PKIG: variants seen among roughly 807,000 people sequenced by gnomAD.
PKIG encodes protein kinase (cAMP-dependent, catalytic) inhibitor gamma.
In PKIG, 1 loss-of-function variant was observed where a neutral mutation model predicts 6.8. That is an observed-to-expected ratio of 0.15 (90% confidence interval 0.05 to 0.69). The LOEUF (loss-of-function observed/expected upper bound fraction) is 0.69, where lower values mean the gene tolerates loss of function less well. Ranked by LOEUF, PKIG falls within the 30% of genes least tolerant of loss-of-function variation. The probability of loss-of-function intolerance (pLI) is 0.82; values close to 1 mark genes in which losing one functional copy is unlikely to be tolerated. For synonymous variants in PKIG, 39 were observed against 43.0 expected, an observed-to-expected ratio of 0.91 and a Z score of 0.36; for missense variants, 77 against 104.0, an observed-to-expected ratio of 0.74 and a Z score of 1.13.
intron 3 of PKIG, among the ~76,000 whole-genome samples, chr20:44,618,005 A>G (rs2065284643): frequency 6.6e-6 from 1 of 152,172 alleles, no homozygotes; most frequent in African/African-American, 2.4e-5. Flanking sequence ...AAACAAAGCA[A>G]CCTTCAAGAG....
intron 1 of PKIG, among the ~76,000 whole-genome samples, chr20:44,574,434 C>T (rs1285431625): frequency 2.0e-5 from 3 of 152,042 alleles, no homozygotes; most frequent in East Asian, 1.9e-4. Flanking sequence ...ACCCATTACC[C>T]GGCTTCAAAA....
chr20:44,610,708 T>A (rs1350863504), intron 2 of PKIG, among the ~76,000 whole-genome samples: 1 of 152,118 alleles, frequency 6.6e-6, no homozygotes, highest in Non-Finnish European at 1.5e-5. Context: ...GTTGACAGGG[T>A]TGATAGATGT....
At chr20:44,610,557 C>A (rs1407143929) in intron 2 of PKIG, among the ~76,000 whole-genome samples, 1 of 148,396 alleles carries the variant, frequency 6.7e-6, no homozygotes, top group Non-Finnish European at 1.5e-5. Context: ...TCAACCCCAC[C>A]CTGGGTGCCT....
At chr20:44,584,598 G>GT (rs1479706027) in intron 1 of PKIG, among the ~76,000 whole-genome samples, 1 of 151,528 alleles carries the variant, frequency 6.6e-6, no homozygotes, top group African/African-American at 2.4e-5. Context: ...GTTTTTGTTT[G>GT]TTTGTTTTGT....
chr20:44,542,313 C>A (rs1225895193), intron 1 of PKIG, among the ~76,000 whole-genome samples: 1 of 151,930 alleles, frequency 6.6e-6, no homozygotes, highest in African/African-American at 2.4e-5. Context: ...CTTGGCCACT[C>A]GAAGGGGCTT....
At chr20:44,608,839 C>T (rs563492557) in intron 2 of PKIG, among the ~76,000 whole-genome samples, 34 of 151,762 alleles carry the variant, frequency 2.2e-4, no homozygotes, top group African/African-American at 8.2e-4. Flanking sequence ...CATCTTTGTA[C>T]ATTTTATCTT....
At chr20:44,552,948 CT>C (rs1297127100) in intron 1 of PKIG, among the ~76,000 whole-genome samples, 2 of 152,022 alleles carry the variant, frequency 1.3e-5, no homozygotes, top group Admixed American at 1.3e-4. Context: ...AGTCAATGAT[CT>C]GAGTCTGTGT....
upstream of PKIG, among the ~76,000 whole-genome samples, chr20:44,580,764 T>A (rs1286900086): frequency 6.6e-6 from 1 of 152,208 alleles, no homozygotes; most frequent in Non-Finnish European, 1.5e-5. Context: ...TGTTTTCTGA[T>A]AAGCATCTGT....
At chr20:44,558,235 G>C (rs2064732443) in intron 1 of PKIG, among the ~76,000 whole-genome samples, 1 of 152,064 alleles carries the variant, frequency 6.6e-6, no homozygotes, top group Non-Finnish European at 1.5e-5. Context: ...TAGTAGTACT[G>C]GTAGTTAACA....
intron 1 of PKIG, among the ~76,000 whole-genome samples, chr20:44,586,649 G>C (rs1192811554): frequency 1.3e-5 from 2 of 152,214 alleles, no homozygotes; most frequent in African/African-American, 2.4e-5. Flanking sequence ...ATGCTTTCAC[G>C]AGGGGCCAGA....
chr20:44,617,756 G>T (rs1009368228), intron 3 of PKIG, among the ~76,000 whole-genome samples: 1 of 152,096 alleles, frequency 6.6e-6, no homozygotes, highest in South Asian at 2.1e-4. Context: ...TCTCTTAGAA[G>T]AACATTGGCC....
At chr20:44,534,886 A>G (rs2123117326) in intron 1 of PKIG, among the ~76,000 whole-genome samples, 1 of 152,286 alleles carries the variant, frequency 6.6e-6, no homozygotes, top group South Asian at 2.1e-4. Context: ...TCAGGGTCAC[A>G]CAGTATTTGA....
chr20:44,570,283 A>G (rs557153848), intron 1 of PKIG, among the ~76,000 whole-genome samples: 1 of 152,304 alleles, frequency 6.6e-6, no homozygotes, highest in East Asian at 1.9e-4. Context: ...TGACTTGCCT[A>G]AACATTTCCA....
chr20:44,617,196 G>C (rs1405724875), intron 3 of PKIG, among the ~76,000 whole-genome samples: 1 of 152,188 alleles, frequency 6.6e-6, no homozygotes, highest in Non-Finnish European at 1.5e-5. Flanking sequence ...GATTCTCCTG[G>C]TTCTGTGAAG....
At chr20:44,618,153 GTCCAGCTCCAGC>G in intron 3 of PKIG, 120 bp from the exon 4 acceptor site, 1 of 644,594 alleles carries the variant, frequency 1.6e-6, no homozygotes, top group Non-Finnish European at 2.8e-6. Flanking sequence ...CACCACCTCA[GTCCAGCTCCAGC>G]TCGTCTTGCT....
At chr20:44,592,389 T>C (rs760107274) in intron 2 of PKIG, among the ~76,000 whole-genome samples, 3 of 152,168 alleles carry the variant, frequency 2.0e-5, no homozygotes, top group Non-Finnish European at 4.4e-5. Flanking sequence ...GAAAATCCTG[T>C]ACAGAGCCCT....
chr20:44,554,640 A>G (rs2064697857), intron 1 of PKIG, among the ~76,000 whole-genome samples: 1 of 152,214 alleles, frequency 6.6e-6, no homozygotes. Context: ...GCTGGTGGGC[A>G]GGAGCTTCCA....
At chr20:44,566,485 A>G (rs886681695) in intron 1 of PKIG, among the ~76,000 whole-genome samples, 6 of 152,252 alleles carry the variant, frequency 3.9e-5, no homozygotes, top group East Asian at 1.9e-4. Context: ...TGCATATCAT[A>G]TATTATATGT....
chr20:44,558,571 CTTTT>C lies in PKIG; in HGVS notation c.-240-24011_-240-24008del, dbSNP rs762093662. On this transcript the variant is annotated intron_variant, in intron 1 of 4. Coordinates refer to the PKIG transcript ENST00000372887. Reference sequence around the variant, plus strand: ...CACATTTCTTTTTCTTTCTTTTTTTCTTTTTTCTTTCTTTCTTTCTTTCTTTCTT... The same window carrying C: ...CACATTTCTTTTTCTTTCTTTTTTTCTTCTTTCTTTCTTTCTTTCTTTCTT... Among the ~76,000 whole-genome samples the C allele has an allele frequency of 3.2e-5, 4 of 126,298 alleles. 1 individual carries two copies. The highest frequency in any genetic ancestry group is 1.6e-4 in the Admixed American group (2 of 12,424). 82.9% of individuals were successfully genotyped at this position (126,298 alleles called of 152,430 possible).
Sources: gnomAD v4.1 joint callset for allele counts (sites outside exome capture counted in the v4.1 genomes callset) on GRCh38, gnomAD v4.1.1 for gene constraint, MANE v1.5 for transcripts, NCBI Gene and HGNC (gene_info 2026-07-23, HGNC 2026-07-21) for gene names.